ARMC7: variants seen among roughly 807,000 people sequenced by gnomAD.
The protein encoded by ARMC7 is armadillo repeat-containing protein 7.
In ARMC7, 9 loss-of-function variants were observed where a neutral mutation model predicts 14.8. The ratio of observed to expected loss-of-function variants is 0.61; its 90% confidence interval spans 0.37 to 1.06. ARMC7 has a LOEUF of 1.06. ARMC7 is among the 50% of genes least tolerant of loss of function. The pLI is 0.01. For missense variants in ARMC7, 262 were observed against 267.1 expected (o/e 0.98, Z 0.13); for synonymous variants, 125 against 123.4 (o/e 1.01, Z -0.09).
rs573039706 is a variant in ARMC7 at position 75,122,955 on chromosome 17, A to G, written c.236-5722A>G. On this transcript the variant is annotated intron_variant, in intron 2 of 2. Coordinates refer to ENST00000245543, the MANE Select transcript of ARMC7 (RefSeq NM_024585.4). Reference sequence around the variant, plus strand: ...CGTCTTAGCGGGCCTATCTTATTGTATGTACAATCTGGTGTCCTTCTTCCC... The same window carrying G: ...CGTCTTAGCGGGCCTATCTTATTGTGTGTACAATCTGGTGTCCTTCTTCCC... 5.5e-4 allele frequency among the ~76,000 whole-genome samples: 84 copies of G among 151,378 alleles called. 1 individual carries two copies. The South Asian group carries it at 0.017, about 30-fold the overall frequency.
rs1029769298 is a variant in ARMC7 at position 75,121,552 on chromosome 17, T to C, written c.236-7125T>C. ...CCTCAGCCTCCGGAGTAGCTGAGGT[T>C]GCATGTGTAGGCCACCATGCCTAGC... On this transcript the variant is annotated intron_variant, in intron 2 of 2. Transcript: ENST00000245543. Among the ~76,000 whole-genome samples, 3 of 152,152 alleles carry C rather than the reference T, an allele frequency of 2.0e-5. No individual in the cohort carries two copies. The East Asian group carries it at 5.8e-4, about 29-fold the overall frequency.
chr17:75,126,383 A>G (rs1729736638), intron 2 of ARMC7, among the ~76,000 whole-genome samples: 1 of 152,184 alleles, frequency 6.6e-6, no homozygotes. Context: ...AGAACCACTG[A>G]TCTGTCACTG....
chr17:75,122,995 T>C (rs2074024704), intron 2 of ARMC7, among the ~76,000 whole-genome samples: 1 of 151,854 alleles, frequency 6.6e-6, no homozygotes, highest in Non-Finnish European at 1.5e-5. Context: ...TCATCTTAAA[T>C]TACAGGCATT....
chr17:75,124,942 A>G (rs977987199), intron 2 of ARMC7, among the ~76,000 whole-genome samples: 21 of 152,222 alleles, frequency 1.4e-4, no homozygotes, highest in Non-Finnish European at 2.5e-4. Flanking sequence ...AGCAAGGACA[A>G]AAGGCAGCCT....
At chr17:75,122,562 C>T (rs890699355) in intron 2 of ARMC7, among the ~76,000 whole-genome samples, 2 of 151,736 alleles carry the variant, frequency 1.3e-5, no homozygotes, top group African/African-American at 4.8e-5. Flanking sequence ...GGGGTTTCAC[C>T]ATGTTGGCAA....
rs2073904867 is a variant in ARMC7, at chr17:75,110,443, G to A, written c.92-20G>A. On this transcript the variant is annotated intron_variant, in intron 1 of 2. Transcript: ENST00000245543. ...TGACCGCCGCCCGGACCTGGCTTCA[G>A]TGCCGCTTTCCCGTTGCAGACGCCA... is the stretch of plus-strand genomic sequence containing the variant. 6.2e-7 allele frequency: 1 copy of A among 1,614,236 alleles called. No individual in the cohort carries two copies. Among genetic ancestry groups the A allele is most frequent in the South Asian group, 1.1e-5 (1 of 91,090 alleles).
At chr17:75,115,127 A>T (rs2073964547) in intron 2 of ARMC7, among the ~76,000 whole-genome samples, 1 of 152,110 alleles carries the variant, frequency 6.6e-6, no homozygotes, top group Non-Finnish European at 1.5e-5. Context: ...AAGGCAGGAG[A>T]TCTTCACTTA....
intron 2 of ARMC7, among the ~76,000 whole-genome samples, chr17:75,125,060 G>A (rs2074041583): frequency 6.6e-6 from 1 of 152,198 alleles, no homozygotes; most frequent in Non-Finnish European, 1.5e-5. Flanking sequence ...GCTCAGTCAG[G>A]GCCTGCTTGC....
intron 2 of ARMC7, among the ~76,000 whole-genome samples, chr17:75,118,147 T>C (rs566055016): frequency 3.6e-4 from 55 of 151,854 alleles, no homozygotes; most frequent in Non-Finnish European, 6.8e-4. Flanking sequence ...AACAAAGTTA[T>C]CTTTAGTTTC....
rs1398954490 is a variant in ARMC7, at chr17:75,129,360, C to T, written c.*322C>T. ...GCCTGGACCCAGAGGCTTTGCAGGACAGTGTTCTCAGGAGCTGGGCCTGAG... is the reference window on the plus strand; with the variant it reads ...GCCTGGACCCAGAGGCTTTGCAGGATAGTGTTCTCAGGAGCTGGGCCTGAG... On this transcript the variant is annotated 3_prime_UTR_variant, in exon 3 of 3. Transcript: ENST00000245543. 4 of 412,482 alleles carry T rather than the reference C, an allele frequency of 9.7e-6. No homozygotes were observed. Among genetic ancestry groups the T allele is most frequent in the Non-Finnish European group, 1.7e-5 (4 of 228,998 alleles). The allele number at this position is 412,482 out of a possible 1,614,324, so 25.6% of individuals were successfully genotyped here. A position where few individuals can be genotyped will look rare whatever the true frequency, so the allele number is the denominator to read the frequency against.
intron 2 of ARMC7, among the ~76,000 whole-genome samples, chr17:75,119,957 T>C (rs1204676533): frequency 1.3e-5 from 2 of 151,974 alleles, no homozygotes; most frequent in Non-Finnish European, 2.9e-5. Context: ...CAGGCTGGAG[T>C]GCAGTGGCAT....
intron 2 of ARMC7, among the ~76,000 whole-genome samples, chr17:75,113,482 G>A (rs2073946892): frequency 6.6e-6 from 1 of 150,678 alleles, no homozygotes; most frequent in African/African-American, 2.4e-5. Flanking sequence ...AGCCTCCCAA[G>A]TAGCTGGGAT....
intron 2 of ARMC7, among the ~76,000 whole-genome samples, chr17:75,119,448 T>TG (rs1555648153): frequency 7.4e-6 from 1 of 135,770 alleles, no homozygotes; most frequent in African/African-American, 3.3e-5. Context: ...GTGATACAGT[T>TG]TTTTCTTTTT....
rs1286535272 is a variant in ARMC7 at position 75,130,021 on chromosome 17, AT to A, written c.*984del. On this transcript the variant is annotated 3_prime_UTR_variant, in exon 3 of 3. Transcript: ENST00000245543. ...GATGGAAAGGTGGAGCTCAGGGAAA[AT>A]GGGGGTCCTTGCCTCTCGTGTACCC... The A allele has an allele frequency of 6.3e-6, 1 of 157,864 alleles. No individual in the cohort carries two copies. The highest frequency in any genetic ancestry group is 2.4e-5 in the African/African-American group (1 of 41,482). The allele number at this position is 157,864 out of a possible 1,614,324, so 9.8% of individuals were successfully genotyped here.
At chr17:75,116,323 A>C (rs2073972459) in intron 2 of ARMC7, among the ~76,000 whole-genome samples, 1 of 152,130 alleles carries the variant, frequency 6.6e-6, no homozygotes, top group Non-Finnish European at 1.5e-5. Context: ...GGCTGGCCAA[A>C]GGTTTAAAGA....
At chr17:75,118,043 C>G (rs543254271) in intron 2 of ARMC7, among the ~76,000 whole-genome samples, 28 of 151,866 alleles carry the variant, frequency 1.8e-4, no homozygotes, top group African/African-American at 6.8e-4. Context: ...ATCGCTTGAA[C>G]CCAGGAGGCA....
chr17:75,127,059 C>CAAAAA (rs561709280), intron 2 of ARMC7, among the ~76,000 whole-genome samples: 2 of 102,556 alleles, frequency 2.0e-5, no homozygotes, highest in Admixed American at 2.1e-4. Context: ...AAAACTGTCT[C>CAAAAA]AAAAAAAAAA....
At chr17:75,110,806 T>TTAGC in intron 2 of ARMC7, among the ~76,000 whole-genome samples, 200 bp downstream of exon 2, 1 of 150,446 alleles carries the variant, frequency 6.6e-6, no homozygotes, top group Middle Eastern at 3.2e-3. Context: ...CGTACAAAAA[T>TTAGC]TAGCTAGACG....
rs1484960481 is a variant in ARMC7 at position 75,109,992 on chromosome 17, A to T, written c.-297A>T. On this transcript the variant is annotated 5_prime_UTR_variant, in exon 1 of 3. Coordinates refer to ENST00000245543, the MANE Select transcript of ARMC7 (RefSeq NM_024585.4). The surrounding 1 kb of genome is among the most constrained non-coding windows in gnomAD (Gnocchi z 5.0). ...CCGGAACCGAGCCCAGGAGCCGGGG[A>T]CGGTGCGCCAGTGCCCCCTCCGCGA... The T allele has an allele frequency of 3.0e-6, 1 of 332,724 alleles. No homozygotes were observed. Among genetic ancestry groups the T allele is most frequent in the Non-Finnish European group, 5.6e-6 (1 of 179,752 alleles). The allele number at this position is 332,724 out of a possible 1,614,324, so 20.6% of individuals were successfully genotyped here.
Sources: gnomAD v4.1 joint callset for allele counts (sites outside exome capture counted in the v4.1 genomes callset) on GRCh38, gnomAD v4.1.1 for gene constraint, Gnocchi (gnomAD v3.1) non-coding constraint, MANE v1.5 for transcripts, NCBI Gene and HGNC (gene_info 2026-07-23, HGNC 2026-07-21) for gene names.